FKBP15: variants seen among roughly 807,000 people sequenced by gnomAD.
The protein encoded by FKBP15 is FKBP prolyl isomerase family member 15.
FKBP15 carries 106 observed loss-of-function variants against 158.1 expected under a neutral mutation model. That is an observed-to-expected ratio of 0.67 (90% CI 0.57 to 0.79). The LOEUF (loss-of-function observed/expected upper bound fraction) is 0.79. FKBP15 is among the 30% of genes least tolerant of loss of function. FKBP15 has a pLI of 0.00. For synonymous variants in FKBP15, 547 were observed against 548.6 expected, an observed-to-expected ratio of 1.00 and a Z score of 0.04; for missense variants, 1,287 against 1,479.1, an observed-to-expected ratio of 0.87 and a Z score of 2.13.
intron 4 of FKBP15, among the ~76,000 whole-genome samples, chr9:113,204,946 T>C (rs980366637): frequency 9.6e-5 from 7 of 73,042 alleles, no homozygotes; most frequent in Admixed American, 1.4e-4. Context: ...TCTAGGTTAT[T>C]TGTGAGTCTG....
intron 23 of FKBP15, among the ~76,000 whole-genome samples, chr9:113,173,004 G>A (rs1830240777): frequency 6.6e-6 from 1 of 152,134 alleles, no homozygotes. Flanking sequence ...TCTTGGCTCT[G>A]CTCAAATGTC....
chr9:113,212,642 C>T (rs1831032351), intron 1 of FKBP15, among the ~76,000 whole-genome samples: 1 of 152,176 alleles, frequency 6.6e-6, no homozygotes, highest in East Asian at 1.9e-4. Context: ...AATAAGATAT[C>T]AATAAATACT....
In FKBP15 at chr9:113,163,808, G is replaced by GCAT. The variant is rs1431036706; in HGVS notation, c.*2267_*2269dup. ...TTTCTTCTATGCAGAACAAAAAGCT[G>GCAT]CATCTAATAATGTTCAATACTTAAT... On this transcript the variant is annotated 3_prime_UTR_variant, in exon 28 of 28. Transcript: ENST00000238256. The GCAT allele has an allele frequency of 6.6e-6, 1 of 152,536 alleles. No homozygotes were observed. The highest frequency in any genetic ancestry group is 1.9e-4 in the East Asian group (1 of 5,190). 9.4% of individuals were successfully genotyped at this position (152,536 alleles called of 1,614,324 possible).
chr9:113,210,332 C>CTT (rs35201179), intron 2 of FKBP15, among the ~76,000 whole-genome samples: 14,583 of 114,166 alleles, frequency 0.13, 1,574 homozygotes, highest in Non-Finnish European at 0.18. Flanking sequence ...GTTGTGATGG[C>CTT]TTTTTTTTTT....
At chr9:113,206,308 G>T (rs1218202098) in intron 4 of FKBP15, 1 of 567,402 alleles carries the variant, frequency 1.8e-6, no homozygotes, top group South Asian at 2.3e-5. Context: ...TAACAATTTT[G>T]AATGGTTGGA....
At chr9:113,174,083 AAATC>A (rs144672380) in intron 22 of FKBP15, among the ~76,000 whole-genome samples, 43 of 152,302 alleles carry the variant, frequency 2.8e-4, no homozygotes, top group Non-Finnish European at 5.1e-4. Context: ...CTGATGACCT[AAATC>A]AATCCCTTCT....
intron 9 of FKBP15, among the ~76,000 whole-genome samples, chr9:113,196,380 ACT>A (rs370318310): frequency 7.8e-6 from 1 of 127,446 alleles, no homozygotes; most frequent in African/African-American, 2.8e-5. Flanking sequence ...TGAAGAAGTG[ACT>A]TTTTTTTTTT....
At position 113,170,672 on chromosome 9, in the gene FKBP15, A is replaced by G. The variant is rs753653084; in HGVS notation, c.2659-43T>C. On this transcript the variant is annotated intron_variant, in intron 24 of 27. Transcript: ENST00000238256. The stretch of plus-strand genomic sequence containing the variant: ...CACATGCTGTCAAAATCAAGTCACT[A>G]AAGGATGCATTAAATTCCAGAGAGG... The G allele has an allele frequency of 2.8e-6, 4 of 1,445,554 alleles. No individual in the cohort carries two copies. The South Asian group carries it at 4.6e-5, about 16-fold the overall frequency. 89.5% of individuals were successfully genotyped at this position (1,445,554 alleles called of 1,614,324 possible).
chr9:113,200,068 CAG>C, intron 6 of FKBP15, 105 bp from the exon 7 acceptor site: 1 of 1,281,488 alleles, frequency 7.8e-7, no homozygotes, highest in Non-Finnish European at 1.1e-6. Flanking sequence ...ACTAACAAAA[CAG>C]ATTACATGTT....
rs745882177 is a variant in FKBP15 at position 113,190,545 on chromosome 9, G to A, written c.1099C>T (p.Arg367Trp). Residue 367 changes from arginine (R) to tryptophan (W), a missense_variant, in exon 12 of 28, where the codon CGG becomes TGG. Transcript: ENST00000238256. ...ATGGGCTGGCCCATTTTAGCCATCC[G>A]AGAGATCAACTTGGCTTTGACTGCA... ...PDAVKAKLIS[R>W]MAKMGQPMLP... 38 of 1,611,666 alleles carry A rather than the reference G, an allele frequency of 2.4e-5. No individual in the cohort carries two copies. The highest frequency in any genetic ancestry group is 3.3e-4 in the Middle Eastern group (2 of 6,084).
chr9:113,168,873 A>C (rs1830145116), intron 26 of FKBP15, among the ~76,000 whole-genome samples: 1 of 152,162 alleles, frequency 6.6e-6, no homozygotes, highest in Non-Finnish European at 1.5e-5. Flanking sequence ...AGGACTTATC[A>C]TACTTTATGA....
At position 113,202,573 on chromosome 9, in the gene FKBP15, G is replaced by T; in HGVS notation, c.456C>A (p.Ile152=). 6.3e-7 allele frequency: 1 copy of T among 1,585,410 alleles called. No individual in the cohort carries two copies. Among genetic ancestry groups the T allele is most frequent in the South Asian group, 1.2e-5 (1 of 86,608 alleles). ...FYDDQRQNWS[I]MFESEKAAVE... is the part of the protein sequence containing the mutation. ...CAGCAGCCTTTTCCGACTCAAACATGATGGACCAGTTCTGTCTCTGGTCAT... is the reference window on the plus strand; with the variant it reads ...CAGCAGCCTTTTCCGACTCAAACATTATGGACCAGTTCTGTCTCTGGTCAT... The change falls in exon 6 of 28, where the codon ATC becomes ATA. Residue 152 remains isoleucine, a synonymous_variant. Transcript: ENST00000238256.
In FKBP15 at chr9:113,188,379, G is replaced by A. The variant is rs1042279850; in HGVS notation, c.1276+10C>T. The A allele has an allele frequency of 3.1e-6, 5 of 1,604,896 alleles. No homozygotes were observed. The African/African-American group carries it at 4.0e-5, about 13-fold the overall frequency. ...GTTCAAGGCCACAGAGCCTCAGAGA[G>A]GTTCCTTACCCTGTGAGGTCATCTG... On this transcript the variant is annotated intron_variant, in intron 13 of 27. Coordinates refer to ENST00000238256, the MANE Select transcript of FKBP15 (RefSeq NM_015258.2).
rs1752861531 is a variant in FKBP15 at position 113,164,450 on chromosome 9, A to AATT, written c.*1625_*1627dup. On this transcript the variant is annotated 3_prime_UTR_variant, in exon 28 of 28. Coordinates refer to ENST00000238256, the MANE Select transcript of FKBP15 (RefSeq NM_015258.2). ...GGACTTTAAGCACCTGTGTTGGCAC[A>AATT]ATTACTCAGCATCTTCTCTCCCTGC... The AATT allele has an allele frequency of 6.6e-6, 1 of 152,280 alleles. No homozygotes were observed. The highest frequency in any genetic ancestry group is 2.4e-5 in the African/African-American group (1 of 41,478). The allele number at this position is 152,280 out of a possible 1,614,324, so 9.4% of individuals were successfully genotyped here. A position where few individuals can be genotyped will look rare whatever the true frequency, so the allele number is the denominator to read the frequency against.
At chr9:113,177,743 A>G (rs989775316) in intron 20 of FKBP15, among the ~76,000 whole-genome samples, 40 of 152,046 alleles carry the variant, frequency 2.6e-4, no homozygotes, top group African/African-American at 8.4e-4. Context: ...CTTCCACCCA[A>G]CTCTGCTGCT....
intron 27 of FKBP15, among the ~76,000 whole-genome samples, chr9:113,168,182 G>T (rs1830127569): frequency 6.6e-6 from 1 of 152,152 alleles, no homozygotes; most frequent in African/African-American, 2.4e-5. Context: ...ATTCCAATGT[G>T]GGGCTAAGCA....
At chr9:113,221,093 G>T in intron 1 of FKBP15, 98 bp downstream of exon 1, 1 of 1,322,352 alleles carries the variant, frequency 7.6e-7, no homozygotes, top group Non-Finnish European at 1.0e-6. Flanking sequence ...TCTCCCCCCG[G>T]AAGTTGGGAA....
chr9:113,167,690 T>C (rs1045534283), intron 27 of FKBP15, among the ~76,000 whole-genome samples: 15 of 152,328 alleles, frequency 9.8e-5, no homozygotes, highest in African/African-American at 3.1e-4. Context: ...GTCCTTTAGA[T>C]GGACTGAGCC....
At position 113,162,471 on chromosome 9, in the gene FKBP15, AAGAC is replaced by A. The variant is rs1830029122; in HGVS notation, c.*3603_*3606del. 3 of 302,150 alleles carry A rather than the reference AAGAC, an allele frequency of 9.9e-6. No homozygotes were observed. In the South Asian group the frequency reaches 1.6e-4, roughly 17 times the overall value. 18.7% of individuals were successfully genotyped at this position (302,150 alleles called of 1,614,324 possible). On this transcript the variant is annotated 3_prime_UTR_variant, in exon 28 of 28. Coordinates refer to ENST00000238256, the MANE Select transcript of FKBP15 (RefSeq NM_015258.2). ...TGATTTTCTCTTATTCCTTATCAGAAAGACAGATTATAGATACCCTCATTTTCCC... is the reference window on the plus strand; with the variant it reads ...TGATTTTCTCTTATTCCTTATCAGAAAGATTATAGATACCCTCATTTTCCC...
Sources: gnomAD v4.1 joint callset for allele counts (sites outside exome capture counted in the v4.1 genomes callset) on GRCh38, gnomAD v4.1.1 for gene constraint, MANE v1.5 for transcripts, NCBI Gene and HGNC (gene_info 2026-07-23, HGNC 2026-07-21) for gene names.